MCM6: variants seen among roughly 807,000 people sequenced by gnomAD.
The protein encoded by MCM6 is DNA replication licensing factor MCM6.
MCM6 carries 46 observed loss-of-function variants against 94.3 expected under a neutral mutation model. That is an observed-to-expected ratio of 0.49 (90% CI 0.39 to 0.62). The LOEUF (loss-of-function observed/expected upper bound fraction) is 0.62. Ranked by LOEUF, MCM6 falls within the 20% of genes least tolerant of loss-of-function variation. The pLI is 0.00. For synonymous variants in MCM6, 335 were observed against 351.9 expected (o/e 0.95, Z 0.54); for missense variants, 865 against 1,017.9 (o/e 0.85, Z 2.04).
intron 11 of MCM6, among the ~76,000 whole-genome samples, chr2:135,854,890 C>G (rs1679844507): frequency 6.6e-6 from 1 of 152,006 alleles, no homozygotes; most frequent in Admixed American, 6.6e-5. Context: ...CGCGGTGGCT[C>G]ACACCTGTAA....
chr2:135,872,735 G>T lies in MCM6; in HGVS notation c.216C>A (p.Asn72Lys), dbSNP rs1369380418. 1 of 1,613,978 alleles carries T rather than the reference G, an allele frequency of 6.2e-7. No homozygotes were observed. The highest frequency in any genetic ancestry group is 1.3e-5 in the African/African-American group (1 of 74,900). Residue 72 changes from asparagine to lysine, a missense_variant, in exon 2 of 17, where the codon AAC becomes AAA. Physicochemically the swap from Asn to Lys is moderately conservative, Grantham distance 94. Coordinates refer to ENST00000264156, the MANE Select transcript of MCM6 (RefSeq NM_005915.6). ...VVSFVDLEQF[N>K]QQLSTTIQEE... ...CTTGAATGGTGGTGGAAAGTTGCTG[G>T]TTAAATTGTTCCAGGTCCACAAAAC...
At chr2:135,858,694 C>T (rs1679935078) in intron 9 of MCM6, among the ~76,000 whole-genome samples, 1 of 152,156 alleles carries the variant, frequency 6.6e-6, no homozygotes. Context: ...TAAAAATATA[C>T]ACTTACTGTA....
chr2:135,872,423 A>G (rs309129), intron 2 of MCM6, among the ~76,000 whole-genome samples: 149,433 of 152,240 alleles, frequency 0.98, 73,391 homozygotes, highest in East Asian at 1. Context: ...ATTTCGGCCT[A>G]GGTGTGACAG....
rs574912650 is a variant in MCM6 at position 135,853,143 on chromosome 2, T to C, written c.1627-228A>G. On this transcript the variant is annotated intron_variant, in intron 11 of 16. Transcript: ENST00000264156. ...CTAAAACTATACCTGAAGGAATTGA[T>C]TGGCTTTAAAAACAATAGTAGGGTA... Among the ~76,000 whole-genome samples the C allele has an allele frequency of 6.6e-5, 10 of 152,270 alleles. No homozygotes were observed. In the South Asian group the frequency reaches 1.0e-3, roughly 16 times the overall value.
At chr2:135,875,317 T>C (rs1367800558) in intron 1 of MCM6, among the ~76,000 whole-genome samples, 1 of 151,380 alleles carries the variant, frequency 6.6e-6, no homozygotes, top group Non-Finnish European at 1.5e-5. Context: ...TGAGCTGAGA[T>C]GGTGACACTG....
Position 135,872,739 on chromosome 2 carries a change from AATT to A in MCM6, c.209_211del (p.Gln70_Phe71delinsLeu). On this transcript the variant is annotated inframe_deletion, in exon 2 of 17. Coordinates refer to ENST00000264156, the MANE Select transcript of MCM6 (RefSeq NM_005915.6). The stretch of plus-strand genomic sequence containing the variant: ...AATGGTGGTGGAAAGTTGCTGGTTA[AATT>A]GTTCCAGGTCCACAAAACTCACAAC... The A allele has an allele frequency of 1.2e-6, 2 of 1,614,146 alleles. No individual in the cohort carries two copies. Among genetic ancestry groups the A allele is most frequent in the Non-Finnish European group, 1.7e-6 (2 of 1,180,020 alleles).
chr2:135,869,360 CA>C (rs1175644783), intron 3 of MCM6, among the ~76,000 whole-genome samples: 1 of 148,006 alleles, frequency 6.8e-6, no homozygotes, highest in Non-Finnish European at 1.5e-5. Context: ...AAGATCGTGC[CA>C]CTGCACTCTG....
At chr2:135,854,912 T>A (rs897650833) in intron 11 of MCM6, among the ~76,000 whole-genome samples, 1 of 152,032 alleles carries the variant, frequency 6.6e-6, no homozygotes, top group Non-Finnish European at 1.5e-5. Context: ...CCCAACACTT[T>A]GGGAGGCTGA....
rs1176410692 is a variant in MCM6 at position 135,844,491 on chromosome 2, G to C, written c.2349+54C>G. 3 of 1,392,664 alleles carry C rather than the reference G, an allele frequency of 2.2e-6. No homozygotes were observed. In the African/African-American group the frequency reaches 4.4e-5, roughly 21 times the overall value. The allele number at this position is 1,392,664 out of a possible 1,614,324, so 86.3% of individuals were successfully genotyped here. A position where few individuals can be genotyped will look rare whatever the true frequency, so the allele number is the denominator to read the frequency against. On this transcript the variant is annotated intron_variant, in intron 16 of 16. Transcript: ENST00000264156. ...TTTCACTAGTGAACCTGCAGATACAGGGCATGAACTCCCTCCCTCCCTGAT... is the reference window on the plus strand; with the variant it reads ...TTTCACTAGTGAACCTGCAGATACACGGCATGAACTCCCTCCCTCCCTGAT...
chr2:135,840,986 G>A lies in MCM6; in HGVS notation c.2350-35C>T, dbSNP rs1679559304. ...ACAAATATTTGTCCTCAGGTTTCAA[G>A]CAGTATTATACCAATGTCCAGATAT... On this transcript the variant is annotated intron_variant, in intron 16 of 16. Transcript: ENST00000264156. 3 of 1,459,322 alleles carry A rather than the reference G, an allele frequency of 2.1e-6. No individual in the cohort carries two copies. In the South Asian group the frequency reaches 3.4e-5, roughly 17 times the overall value. The allele number at this position is 1,459,322 out of a possible 1,614,324, so 90.4% of individuals were successfully genotyped here.
chr2:135,841,853 C>T (rs1013331605), intron 16 of MCM6, among the ~76,000 whole-genome samples: 3 of 152,072 alleles, frequency 2.0e-5, no homozygotes, highest in African/African-American at 7.2e-5. Flanking sequence ...GCCTGTAATC[C>T]CAGCACTTTG....
intron 16 of MCM6, among the ~76,000 whole-genome samples, chr2:135,841,393 A>G (rs1679568306): frequency 5.3e-5 from 8 of 152,214 alleles, no homozygotes; most frequent in Admixed American, 5.2e-4. Flanking sequence ...AGAATCTATG[A>G]AAATTCATCT....
intron 11 of MCM6, among the ~76,000 whole-genome samples, chr2:135,855,568 A>G (rs1170781761): frequency 6.6e-6 from 1 of 152,212 alleles, no homozygotes; most frequent in East Asian, 1.9e-4. Flanking sequence ...TGGGAGGCTG[A>G]GGCAGGAGGA....
chr2:135,870,316 G>A lies in MCM6; in HGVS notation c.300C>T (p.Asp100=). The change falls in exon 3 of 17, where the codon GAC becomes GAT. Residue 100 remains aspartate, a synonymous_variant. Coordinates refer to ENST00000264156, the MANE Select transcript of MCM6 (RefSeq NM_005915.6). The part of the protein sequence containing the change: ...LCRALKTFVK[D]RKEIPLAKDF... ...CCTTGGCAAGAGGGATCTCTTTACGGTCTTTGACGAATGTTTTCAAGGCCC... is the reference window on the plus strand; with the variant it reads ...CCTTGGCAAGAGGGATCTCTTTACGATCTTTGACGAATGTTTTCAAGGCCC... 1.9e-6 allele frequency: 3 copies of A among 1,613,852 alleles called. No individual in the cohort carries two copies. The highest frequency in any genetic ancestry group is 2.5e-6 in the Non-Finnish European group (3 of 1,179,844).
chr2:135,854,686 A>AAC (rs1447902574), intron 11 of MCM6, among the ~76,000 whole-genome samples: 3 of 152,062 alleles, frequency 2.0e-5, no homozygotes, highest in Non-Finnish European at 4.4e-5. Context: ...CAGCCTGGGC[A>AAC]ACATGGCAAA....
intron 11 of MCM6, among the ~76,000 whole-genome samples, chr2:135,855,028 C>T (rs112728941): frequency 0.066 from 9,976 of 152,022 alleles, 877 homozygotes; most frequent in African/African-American, 0.2. Flanking sequence ...TGGTGGCACA[C>T]GCCTATAATC....
intron 2 of MCM6, 128 bp from the exon 3 acceptor site, chr2:135,870,489 T>C: frequency 1.6e-6 from 1 of 644,364 alleles, no homozygotes; most frequent in Non-Finnish European, 2.8e-6. Context: ...CTTAACTGTG[T>C]AGGACACTTC....
At chr2:135,872,922 A>C in intron 1 of MCM6, 79 bp from the exon 2 acceptor site, 1 of 1,528,020 alleles carries the variant, frequency 6.5e-7, no homozygotes, top group Non-Finnish European at 8.9e-7. Context: ...AACATTGGTT[A>C]AAGTCCAACA....
At chr2:135,874,940 C>T (rs1680268209) in intron 1 of MCM6, among the ~76,000 whole-genome samples, 1 of 152,204 alleles carries the variant, frequency 6.6e-6, no homozygotes, top group South Asian at 2.1e-4. Flanking sequence ...ATACTACACG[C>T]TTCCACTTAT....
Sources: allele counts gnomAD v4.1 joint callset (sites outside exome capture counted in the v4.1 genomes callset), GRCh38; gene constraint gnomAD v4.1.1; transcripts MANE v1.5; gene names NCBI Gene and HGNC (gene_info 2026-07-23, HGNC 2026-07-21).